Variants in PTPRO observed in about 807,000 individuals in gnomAD.
The protein encoded by PTPRO is protein tyrosine phosphatase receptor type O.
In PTPRO, 62 loss-of-function variants were observed where a neutral mutation model predicts 145.2. The observed-to-expected ratio is 0.43, with a 90% CI of 0.35 to 0.53. PTPRO has a LOEUF of 0.53. Among genes scored for constraint, PTPRO ranks in the 20% least tolerant of loss-of-function variants. PTPRO has a pLI of 0.01. For synonymous variants in PTPRO, 565 were observed against 514.7 expected (o/e 1.10, Z -1.32); for missense variants, 1,345 against 1,482.7 (o/e 0.91, Z 1.53).
intron 16 of PTPRO, among the ~76,000 whole-genome samples, chr12:15,559,732 C>G (rs1001492395): frequency 1.3e-5 from 2 of 152,236 alleles, no homozygotes; most frequent in South Asian, 2.1e-4. Flanking sequence ...TTAGTCTTCA[C>G]CGGAATCAGT....
At chr12:15,400,951 T>C (rs930546508) in intron 1 of PTPRO, among the ~76,000 whole-genome samples, 2 of 152,222 alleles carry the variant, frequency 1.3e-5, no homozygotes, top group African/African-American at 2.4e-5. Context: ...TGGGTAATGA[T>C]AGGGAAACAA....
At chr12:15,378,445 G>A (rs542776696) in intron 1 of PTPRO, among the ~76,000 whole-genome samples, 1 of 152,022 alleles carries the variant, frequency 6.6e-6, no homozygotes, top group South Asian at 2.1e-4. Context: ...GGATAACTTA[G>A]ATGAAACCGA....
intron 1 of PTPRO, among the ~76,000 whole-genome samples, chr12:15,441,947 T>C (rs1299912116): frequency 2.0e-5 from 3 of 152,298 alleles, no homozygotes; most frequent in Non-Finnish European, 4.4e-5. Context: ...GTACCAATTT[T>C]ACTGCACCTA....
intron 1 of PTPRO, among the ~76,000 whole-genome samples, chr12:15,371,359 G>A (rs1288921672): frequency 6.6e-6 from 1 of 151,844 alleles, no homozygotes; most frequent in Non-Finnish European, 1.5e-5. Flanking sequence ...AGCCTCCTGA[G>A]TAACTGAGAT....
intron 12 of PTPRO, among the ~76,000 whole-genome samples, chr12:15,533,137 C>G (rs185960134): frequency 2.8e-4 from 43 of 152,200 alleles, no homozygotes; most frequent in Non-Finnish European, 4.9e-4. Context: ...CCAAACTTAT[C>G]AAAATGTTTG....
chr12:15,437,094 T>A (rs1463772769), intron 1 of PTPRO, among the ~76,000 whole-genome samples: 1 of 151,340 alleles, frequency 6.6e-6, no homozygotes, highest in African/African-American at 2.4e-5. Flanking sequence ...CACACCACCC[T>A]TCCTTGATGT....
chr12:15,516,638 G>GAA, intron 8 of PTPRO, 125 bp from the exon 9 acceptor site: 1 of 817,918 alleles, frequency 1.2e-6, no homozygotes, highest in African/African-American at 1.7e-5. Context: ...AGGAAGGAAG[G>GAA]GAGGGAGGGA....
At chr12:15,398,442 G>A (rs1470067083) in intron 1 of PTPRO, among the ~76,000 whole-genome samples, 1 of 151,480 alleles carries the variant, frequency 6.6e-6, no homozygotes, top group Non-Finnish European at 1.5e-5. Context: ...TCCAATTCCA[G>A]GGCTACTATT....
intron 1 of PTPRO, among the ~76,000 whole-genome samples, chr12:15,460,779 T>G (rs575944464): frequency 4.6e-5 from 7 of 152,350 alleles, no homozygotes; most frequent in Non-Finnish European, 1.0e-4. Flanking sequence ...AAGATATTCT[T>G]GGACAGGACT....
chr12:15,401,511 CTAA>C (rs1422403878), intron 1 of PTPRO, among the ~76,000 whole-genome samples: 3 of 152,038 alleles, frequency 2.0e-5, no homozygotes, highest in African/African-American at 7.2e-5. Flanking sequence ...ATAGATTAGG[CTAA>C]TGATAACATA....
intron 18 of PTPRO, 114 bp from the exon 19 acceptor site, chr12:15,569,303 G>A: frequency 1.0e-6 from 1 of 978,720 alleles, no homozygotes; most frequent in Non-Finnish European, 1.6e-6. Flanking sequence ...TAACCTTAGA[G>A]AAGTAAAACT....
At chr12:15,488,762 CAG>C (rs1331919999) in intron 2 of PTPRO, among the ~76,000 whole-genome samples, 1 of 152,154 alleles carries the variant, frequency 6.6e-6, no homozygotes, top group East Asian at 1.9e-4. Flanking sequence ...TTTGGCACAG[CAG>C]AGTCATTTGG....
chr12:15,333,245 C>T (rs1866662575), intron 1 of PTPRO, among the ~76,000 whole-genome samples: 1 of 152,174 alleles, frequency 6.6e-6, no homozygotes. Context: ...TTCTGAACAG[C>T]CTATCTAAAA....
intron 2 of PTPRO, among the ~76,000 whole-genome samples, chr12:15,490,397 C>T (rs927277962): frequency 2.0e-5 from 3 of 152,236 alleles, no homozygotes; most frequent in South Asian, 4.1e-4. Flanking sequence ...ACAACAGCAG[C>T]CACACACAAT....
chr12:15,461,894 T>A (rs1353926811), intron 1 of PTPRO, among the ~76,000 whole-genome samples: 3 of 151,994 alleles, frequency 2.0e-5, no homozygotes, highest in Non-Finnish European at 4.4e-5. Context: ...AGTCTCCTGA[T>A]TCCTGCTTTC....
intron 6 of PTPRO, among the ~76,000 whole-genome samples, chr12:15,505,682 T>G (rs1942307360): frequency 6.6e-6 from 1 of 152,214 alleles, no homozygotes; most frequent in Non-Finnish European, 1.5e-5. Context: ...CATAAATACT[T>G]ACACCTAACT....
intron 3 of PTPRO, 97 bp downstream of exon 3, chr12:15,497,500 AT>A: frequency 7.6e-7 from 1 of 1,321,480 alleles, no homozygotes; most frequent in South Asian, 1.2e-5. Flanking sequence ...AGGTTTTATA[AT>A]TCACTATTTG....
At chr12:15,395,225 T>C (rs1291241958) in intron 1 of PTPRO, among the ~76,000 whole-genome samples, 12 of 152,134 alleles carry the variant, frequency 7.9e-5, no homozygotes, top group Admixed American at 7.9e-4. Context: ...AGATGTAGGA[T>C]CACGGCAGGG....
chr12:15,551,629 T>C lies in PTPRO; in HGVS notation c.2516T>C (p.Val839Ala). ...ACACTTTTAATTGGACTGTTGCTTG[T>C]TACCCTCATTATTCTTAGGAAAAAG... ...LSTLLIGLLL[V>A]TLIILRKKHL... Residue 839 changes from valine (V) to alanine (A), a missense_variant, in exon 15 of 27, where the codon GTT becomes GCT. Val to Ala is a moderately conservative substitution (Grantham distance 64, BLOSUM62 0). Coordinates refer to ENST00000281171, the MANE Select transcript of PTPRO (RefSeq NM_030667.3). 1 of 1,613,790 alleles carries C rather than the reference T, an allele frequency of 6.2e-7. No homozygotes were observed. Among genetic ancestry groups the C allele is most frequent in the South Asian group, 1.1e-5 (1 of 91,078 alleles).
Sources: allele counts gnomAD v4.1 joint callset (sites outside exome capture counted in the v4.1 genomes callset), GRCh38; gene constraint gnomAD v4.1.1; transcripts MANE v1.5; gene names NCBI Gene and HGNC (gene_info 2026-07-23, HGNC 2026-07-21).